Variants in NKAIN2 observed in about 807,000 individuals in gnomAD.
NKAIN2 encodes sodium/potassium transporting ATPase interacting 2, also known as sodium/potassium-transporting ATPase subunit beta-1-interacting protein 2.
Under a neutral mutation model 32.6 loss-of-function variants are expected in NKAIN2, and 14 were observed. The observed-to-expected ratio is 0.43, with a 90% confidence interval of 0.28 to 0.67. The LOEUF (loss-of-function observed/expected upper bound fraction) is 0.67, where lower values mean the gene tolerates loss of function less well. Ranked by LOEUF, NKAIN2 falls within the 30% of genes least tolerant of loss-of-function variation. The pLI is 0.17. For missense variants in NKAIN2, 198 were observed against 258.3 expected (o/e 0.77, Z 1.60); for synonymous variants, 80 against 87.2 (o/e 0.92, Z 0.46).
At chr6:124,474,026 A>G (rs1157938360) in intron 3 of NKAIN2, among the ~76,000 whole-genome samples, 2 of 152,274 alleles carry the variant, frequency 1.3e-5, no homozygotes, top group East Asian at 1.9e-4. Context: ...ATCTTCTTCT[A>G]TACAAAATAC....
Position 124,710,762 on chromosome 6 carries a change from G to A in NKAIN2, c.474+52376G>A, listed in dbSNP as rs567164550. On this transcript the variant is annotated intron_variant, in intron 4 of 6. Coordinates refer to ENST00000368417, the MANE Select transcript of NKAIN2 (RefSeq NM_001040214.3). ...ATGGGTTTCCTGAATACAGCACACT[G>A]ATGGGTCTTGACTCTTTATCCAATT... is the stretch of plus-strand genomic sequence containing the variant. Among the ~76,000 whole-genome samples the A allele has an allele frequency of 8.8e-5, 13 of 147,168 alleles. No homozygotes were observed. The South Asian group carries it at 2.5e-3, about 28-fold the overall frequency.
intron 3 of NKAIN2, among the ~76,000 whole-genome samples, chr6:124,379,601 T>G (rs1443442919): frequency 6.6e-6 from 1 of 152,098 alleles, no homozygotes; most frequent in Non-Finnish European, 1.5e-5. Context: ...GACAGAGGCT[T>G]GGAAAAGGTC....
At chr6:124,045,570 A>G (rs1782081113) in intron 1 of NKAIN2, among the ~76,000 whole-genome samples, 2 of 152,002 alleles carry the variant, frequency 1.3e-5, no homozygotes, top group Non-Finnish European at 2.9e-5. Context: ...AAGATCAGTG[A>G]AATCCTCAAA....
intron 2 of NKAIN2, among the ~76,000 whole-genome samples, chr6:124,316,552 A>G (rs532153614): frequency 6.6e-6 from 1 of 152,302 alleles, no homozygotes; most frequent in East Asian, 1.9e-4. Flanking sequence ...AAGTAATTTT[A>G]TGATCTGATA....
At chr6:124,066,653 A>T (rs1011954124) in intron 1 of NKAIN2, among the ~76,000 whole-genome samples, 5 of 152,210 alleles carry the variant, frequency 3.3e-5, no homozygotes, top group Admixed American at 1.3e-4. Flanking sequence ...AAAGGCAGGG[A>T]TTAATTGTAA....
chr6:124,734,260 C>T lies in NKAIN2; in HGVS notation c.475-57079C>T, dbSNP rs117118632. Among the ~76,000 whole-genome samples, 470 of 151,900 alleles carry T rather than the reference C, an allele frequency of 3.1e-3. 2 individuals carry two copies. The highest frequency in any genetic ancestry group is 6.8e-3 in the Middle Eastern group (2 of 294). ...ATGTAAATTCTATTTACAAAAATCT[C>T]TTAAATCTTGACCCTATTTGCTGTT... is the stretch of plus-strand genomic sequence containing the variant. On this transcript the variant is annotated intron_variant, in intron 4 of 6. Coordinates refer to ENST00000368417, the MANE Select transcript of NKAIN2 (RefSeq NM_001040214.3).
intron 1 of NKAIN2, among the ~76,000 whole-genome samples, chr6:124,186,802 C>G (rs1193306863): frequency 6.6e-6 from 1 of 152,078 alleles, no homozygotes; most frequent in South Asian, 2.1e-4. Flanking sequence ...ATGTTTACCT[C>G]TCTGTGAAAA....
At chr6:124,346,338 T>C (rs1454462173) in intron 2 of NKAIN2, among the ~76,000 whole-genome samples, 2 of 152,194 alleles carry the variant, frequency 1.3e-5, no homozygotes, top group Non-Finnish European at 2.9e-5. Context: ...GTTCTGTAGA[T>C]GTCTATTAGG....
intron 3 of NKAIN2, among the ~76,000 whole-genome samples, chr6:124,580,490 G>A (rs1292166919): frequency 6.6e-6 from 1 of 152,056 alleles, no homozygotes; most frequent in East Asian, 1.9e-4. Flanking sequence ...CATGGTAACT[G>A]TAAATCAAAA....
At chr6:124,582,509 ACTG>A (rs1583472517) in intron 3 of NKAIN2, among the ~76,000 whole-genome samples, 1 of 152,176 alleles carries the variant, frequency 6.6e-6, no homozygotes. Flanking sequence ...TGATAGCTTC[ACTG>A]CTGAATTTTA....
intron 1 of NKAIN2, among the ~76,000 whole-genome samples, chr6:124,186,820 A>G (rs1004804035): frequency 6.6e-6 from 1 of 152,202 alleles, no homozygotes; most frequent in Non-Finnish European, 1.5e-5. Context: ...AAACAATATA[A>G]AATATATAAG....
intron 3 of NKAIN2, among the ~76,000 whole-genome samples, chr6:124,369,661 A>C (rs1799667413): frequency 6.6e-6 from 1 of 152,076 alleles, no homozygotes; most frequent in African/African-American, 2.4e-5. Context: ...ACCCTGCCTT[A>C]CATCCCAAAA....
intron 1 of NKAIN2, among the ~76,000 whole-genome samples, chr6:124,249,366 G>T (rs1793578434): frequency 6.6e-6 from 1 of 152,046 alleles, no homozygotes. Context: ...TGTGATAGAA[G>T]AGAGTGGGAG....
chr6:123,939,894 G>T lies in NKAIN2; in HGVS notation c.54+135640G>T, dbSNP rs1446933169. Among the ~76,000 whole-genome samples the T allele has an allele frequency of 3.3e-5, 5 of 151,994 alleles. No homozygotes were observed. In the East Asian group the frequency reaches 7.7e-4, roughly 24 times the overall value. ...TTCTACCAATGCTAAACTCCTTGAA[G>T]ATTGTTACTTAATTTTTATTCAACC... On this transcript the variant is annotated intron_variant, in intron 1 of 6. Coordinates refer to ENST00000368417, the MANE Select transcript of NKAIN2 (RefSeq NM_001040214.3).
At chr6:123,986,802 C>T (rs577288181) in intron 1 of NKAIN2, among the ~76,000 whole-genome samples, 10 of 152,188 alleles carry the variant, frequency 6.6e-5, no homozygotes, top group East Asian at 3.9e-4. Flanking sequence ...AAATCAGGTA[C>T]GGTTTCACTC....
chr6:124,667,462 A>C (rs2114461893), intron 4 of NKAIN2, among the ~76,000 whole-genome samples: 1 of 152,272 alleles, frequency 6.6e-6, no homozygotes, highest in South Asian at 2.1e-4. Context: ...AAATAAGTAA[A>C]GTATATGAAG....
chr6:124,401,088 T>C (rs1229399982), intron 3 of NKAIN2, among the ~76,000 whole-genome samples: 1 of 152,162 alleles, frequency 6.6e-6, no homozygotes. Flanking sequence ...TTTTTAAAAA[T>C]ATTACAAAAT....
intron 1 of NKAIN2, among the ~76,000 whole-genome samples, chr6:123,925,543 C>T (rs1180776125): frequency 1.3e-5 from 2 of 152,108 alleles, no homozygotes; most frequent in Non-Finnish European, 2.9e-5. Flanking sequence ...CACCACTTCC[C>T]TGTTTTGTTA....
chr6:124,250,986 T>A (rs909369990), intron 1 of NKAIN2, among the ~76,000 whole-genome samples: 1 of 151,880 alleles, frequency 6.6e-6, no homozygotes, highest in Non-Finnish European at 1.5e-5. Flanking sequence ...CTAAAACAGC[T>A]AAAGTAATCA....
Sources: gnomAD v4.1 joint callset for allele counts (sites outside exome capture counted in the v4.1 genomes callset) on GRCh38, gnomAD v4.1.1 for gene constraint, MANE v1.5 for transcripts, NCBI Gene and HGNC (gene_info 2026-07-23, HGNC 2026-07-21) for gene names.